The following MPPED2 variants were observed in gnomAD, a reference collection of about 807,000 sequenced individuals.
MPPED2 encodes metallophosphoesterase domain containing 2, also known as metallophosphoesterase MPPED2.
MPPED2 carries 5 observed loss-of-function variants against 33.0 expected under a neutral mutation model. The ratio of observed to expected loss-of-function variants is 0.15; its 90% CI spans 0.08 to 0.32. The LOEUF (loss-of-function observed/expected upper bound fraction) is 0.32. Ranked by LOEUF, MPPED2 falls within the 10% of genes least tolerant of loss-of-function variation. The pLI is 1.00. For synonymous variants in MPPED2, 136 were observed against 141.9 expected, an observed-to-expected ratio of 0.96 and a Z score of 0.29; for missense variants, 275 against 372.1, an observed-to-expected ratio of 0.74 and a Z score of 2.15.
intron 2 of MPPED2, among the ~76,000 whole-genome samples, chr11:30,562,934 G>A (rs994133244): frequency 6.6e-5 from 10 of 152,100 alleles, no homozygotes; most frequent in African/African-American, 2.4e-4. Context: ...GACAAGGATT[G>A]GGGGTTTATG....
intron 2 of MPPED2, among the ~76,000 whole-genome samples, chr11:30,555,359 G>A (rs1327352191): frequency 1.3e-5 from 2 of 152,182 alleles, no homozygotes; most frequent in Non-Finnish European, 2.9e-5. Flanking sequence ...ATATCAAAGT[G>A]TGAGTCAGTG....
At chr11:30,472,217 C>G (rs1565101121) in intron 4 of MPPED2, among the ~76,000 whole-genome samples, 1 of 152,042 alleles carries the variant, frequency 6.6e-6, no homozygotes, top group South Asian at 2.1e-4. Context: ...AAAAACCAGC[C>G]AGAGGTTGTG....
rs59838605 is a variant in MPPED2, at chr11:30,444,450, A to ATT, written c.537-26819_537-26818dup. Reference sequence around the variant, plus strand: ...TCTCAAACACACAGAACATCATTCTATTTTTTTTTTTTTTTTTTAGAAAAA... The same window carrying ATT: ...TCTCAAACACACAGAACATCATTCTATTTTTTTTTTTTTTTTTTTTAGAAAAA... On this transcript the variant is annotated intron_variant, in intron 4 of 6. Transcript: ENST00000358117. Among the ~76,000 whole-genome samples the ATT allele has an allele frequency of 3.8e-4, 53 of 139,474 alleles. 1 individual carries two copies. The highest frequency in any genetic ancestry group is 3.8e-3 in the Middle Eastern group (1 of 262). The allele number at this position is 139,474 out of a possible 152,430, so 91.5% of individuals were successfully genotyped here.
At chr11:30,417,697 T>TCTC in intron 4 of MPPED2, 64 bp from the exon 5 acceptor site, 1 of 922,524 alleles carries the variant, frequency 1.1e-6, no homozygotes, top group Non-Finnish European at 1.8e-6. Context: ...CTGCAATATT[T>TCTC]CTCTCTCGCA....
intron 4 of MPPED2, among the ~76,000 whole-genome samples, chr11:30,421,524 C>A (rs925740920): frequency 1.3e-5 from 2 of 150,842 alleles, no homozygotes; most frequent in African/African-American, 4.9e-5. Context: ...TTACCTAGAG[C>A]TTTTACGTAA....
intron 6 of MPPED2, among the ~76,000 whole-genome samples, chr11:30,400,871 A>AATCTTCTT (rs1366591756): frequency 6.6e-6 from 1 of 151,908 alleles, no homozygotes; most frequent in Admixed American, 6.6e-5. Context: ...AGCAATCTTC[A>AATCTTCTT]ATCTTCTTGC....
At chr11:30,580,114 A>G (rs1030409324) in intron 2 of MPPED2, 132 bp downstream of exon 2, 1 of 891,672 alleles carries the variant, frequency 1.1e-6, no homozygotes, top group Non-Finnish European at 1.7e-6. Context: ...ATTTGAAACC[A>G]CAGATATCCA....
chr11:30,526,703 CAA>C (rs11339582), intron 3 of MPPED2, among the ~76,000 whole-genome samples: 62 of 126,788 alleles, frequency 4.9e-4, no homozygotes, highest in Non-Finnish European at 5.9e-4. Flanking sequence ...GAATAAATCT[CAA>C]AAAAAAAAAA....
intron 6 of MPPED2, among the ~76,000 whole-genome samples, chr11:30,400,191 C>CTGATGCAGGAG (rs2133706998): frequency 1.3e-5 from 2 of 152,248 alleles, no homozygotes; most frequent in African/African-American, 4.8e-5. Flanking sequence ...TCCTAATCAG[C>CTGATGCAGGAG]CTCCTGAGTA....
chr11:30,580,558 T>C, intron 1 of MPPED2, 64 bp from the exon 2 acceptor site: 7 of 1,374,080 alleles, frequency 5.1e-6, no homozygotes, highest in Non-Finnish European at 5.7e-6. Flanking sequence ...CTAAGAGACA[T>C]AAATTTAACA....
intron 4 of MPPED2, among the ~76,000 whole-genome samples, chr11:30,437,888 T>C (rs1436823686): frequency 3.3e-5 from 5 of 152,036 alleles, no homozygotes; most frequent in African/African-American, 1.2e-4. Flanking sequence ...GTCCAACTGA[T>C]AGCAGCCCAG....
intron 4 of MPPED2, among the ~76,000 whole-genome samples, chr11:30,472,300 G>T (rs1046827090): frequency 1.3e-5 from 2 of 152,172 alleles, no homozygotes; most frequent in African/African-American, 2.4e-5. Context: ...GCTTGAGGCT[G>T]CAGTGAGCCG....
chr11:30,559,777 T>C (rs567204194), intron 2 of MPPED2, among the ~76,000 whole-genome samples: 3 of 152,242 alleles, frequency 2.0e-5, no homozygotes, highest in Non-Finnish European at 4.4e-5. Context: ...GGGCATTTTG[T>C]ATCAAGCACC....
chr11:30,583,132 T>G (rs1957250826), intron 1 of MPPED2, among the ~76,000 whole-genome samples: 2 of 111,886 alleles, frequency 1.8e-5, no homozygotes, highest in African/African-American at 3.3e-5. Flanking sequence ...AAAAGACTTT[T>G]TCTTTTTTTT....
rs1590594288 is a variant in MPPED2, at chr11:30,499,662, C to T, written c.311-4141G>A. ...AAACAAAAACAAACAACCCTTGACA[C>T]ATACACACACACATACGTGCCTCAA... On this transcript the variant is annotated intron_variant, in intron 3 of 6. Transcript: ENST00000358117. 3.9e-5 allele frequency among the ~76,000 whole-genome samples: 6 copies of T among 152,108 alleles called. No individual in the cohort carries two copies. In the South Asian group the frequency reaches 1.2e-3, roughly 32 times the overall value.
At chr11:30,485,471 A>ATTTACACATGTTACACATAACATGTGT in intron 4 of MPPED2, among the ~76,000 whole-genome samples, 24 of 151,888 alleles carry the variant, frequency 1.6e-4, no homozygotes, top group Non-Finnish European at 2.8e-4. Context: ...CATGTGTAAC[A>ATTTACACATGTTACACATAACATGTGT]AGGTAAATAA....
chr11:30,493,235 G>A (rs1385680744), intron 4 of MPPED2, among the ~76,000 whole-genome samples: 2 of 151,936 alleles, frequency 1.3e-5, no homozygotes, highest in Admixed American at 1.3e-4. Context: ...GCCGGGCGCA[G>A]TGGCGGGCGC....
chr11:30,434,472 T>C (rs1453276915), intron 4 of MPPED2, among the ~76,000 whole-genome samples: 2 of 152,212 alleles, frequency 1.3e-5, no homozygotes, highest in South Asian at 4.1e-4. Flanking sequence ...AAGTAACAAC[T>C]GGATCCACAG....
chr11:30,490,873 A>C (rs1343344962), intron 4 of MPPED2, among the ~76,000 whole-genome samples: 1 of 145,618 alleles, frequency 6.9e-6, no homozygotes, highest in Non-Finnish European at 1.5e-5. Context: ...ATATCTTCTA[A>C]ATACATGAAT....
Sources: gnomAD v4.1 joint callset for allele counts (sites outside exome capture counted in the v4.1 genomes callset) on GRCh38, gnomAD v4.1.1 for gene constraint, MANE v1.5 for transcripts, NCBI Gene and HGNC (gene_info 2026-07-23, HGNC 2026-07-21) for gene names.